RBMS3: variants seen among roughly 807,000 people sequenced by gnomAD.
RBMS3 encodes RNA binding motif single stranded interacting protein 3.
Under a neutral mutation model 66.8 loss-of-function variants are expected in RBMS3, and 27 were observed. The observed-to-expected ratio is 0.40, with a 90% CI of 0.30 to 0.56. The LOEUF is 0.56. Ranked by LOEUF, RBMS3 falls within the 20% of genes least tolerant of loss-of-function variation. The pLI is 0.40. For synonymous variants in RBMS3, 188 were observed against 183.0 expected, an observed-to-expected ratio of 1.03 and a Z score of -0.22; for missense variants, 513 against 549.5, an observed-to-expected ratio of 0.93 and a Z score of 0.66.
intron 4 of RBMS3, among the ~76,000 whole-genome samples, chr3:29,627,288 C>CTCTCTCTCTGTCTCTCTCTCT (rs1296924512): frequency 1.0e-5 from 1 of 96,544 alleles, no homozygotes; most frequent in Admixed American, 1.0e-4. Flanking sequence ...TCTCTCTCTT[C>CTCTCTCTCTGTCTCTCTCTCT]TCTCTCTCTC....
chr3:29,831,153 A>G (rs1002130609), intron 6 of RBMS3, among the ~76,000 whole-genome samples: 4 of 152,204 alleles, frequency 2.6e-5, no homozygotes, highest in Admixed American at 2.6e-4. Context: ...CAACTTTCAT[A>G]TACATAGGAA....
chr3:29,554,800 C>T (rs1320930049), intron 3 of RBMS3, among the ~76,000 whole-genome samples: 1 of 152,072 alleles, frequency 6.6e-6, no homozygotes, highest in Non-Finnish European at 1.5e-5. Flanking sequence ...GAAGAGGTGA[C>T]AGGAAAGAAT....
chr3:29,387,933 C>A (rs2039085715), intron 1 of RBMS3, among the ~76,000 whole-genome samples: 1 of 152,072 alleles, frequency 6.6e-6, no homozygotes, highest in Non-Finnish European at 1.5e-5. Flanking sequence ...ACAGTGCTGG[C>A]CTCTTACCTA....
chr3:29,761,402 A>AT (rs1340446385), intron 5 of RBMS3, among the ~76,000 whole-genome samples: 1 of 152,022 alleles, frequency 6.6e-6, no homozygotes, highest in Non-Finnish European at 1.5e-5. Flanking sequence ...CTCTCAGTTA[A>AT]TTTTTAAGAA....
intron 1 of RBMS3, chr3:29,391,025 A>T: frequency 2.5e-6 from 1 of 395,430 alleles, no homozygotes; most frequent in Non-Finnish European, 5.5e-6. Context: ...TGAGCTTTGT[A>T]TGTCAAGTTG....
At chr3:29,543,916 T>C (rs531277783) in intron 3 of RBMS3, among the ~76,000 whole-genome samples, 1 of 152,272 alleles carries the variant, frequency 6.6e-6, no homozygotes, top group East Asian at 1.9e-4. Context: ...ATAATTAGGA[T>C]ATAATTATTT....
chr3:29,759,952 T>A (rs930043211), intron 5 of RBMS3, among the ~76,000 whole-genome samples: 2 of 152,092 alleles, frequency 1.3e-5, no homozygotes, highest in Non-Finnish European at 2.9e-5. Flanking sequence ...TTTTATTGCA[T>A]TTATTCTTTC....
At position 29,742,016 on chromosome 3, in the gene RBMS3, A is replaced by G. The variant is rs538942462; in HGVS notation, c.557+2139A>G. 4.6e-5 allele frequency among the ~76,000 whole-genome samples: 7 copies of G among 152,238 alleles called. No individual in the cohort carries two copies. The South Asian group carries it at 8.3e-4, about 18-fold the overall frequency. On this transcript the variant is annotated intron_variant, in intron 5 of 14. Transcript: ENST00000383767. ...GTATTGGGGGTTAGGACTTCAACAT[A>G]TGAGTTTTGTCGGGTACACAATTCA...
intron 12 of RBMS3, among the ~76,000 whole-genome samples, chr3:29,960,963 A>G (rs1696393640): frequency 6.6e-6 from 1 of 151,776 alleles, no homozygotes; most frequent in African/African-American, 2.4e-5. Flanking sequence ...CATTTTTCCC[A>G]TTGTCTTGGT....
chr3:29,333,074 A>G (rs1209882061), intron 1 of RBMS3, among the ~76,000 whole-genome samples: 3 of 152,124 alleles, frequency 2.0e-5, no homozygotes, highest in Admixed American at 2.0e-4. Flanking sequence ...CCTAGTAACC[A>G]TGTACTTTTT....
intron 6 of RBMS3, among the ~76,000 whole-genome samples, chr3:29,801,272 C>CTTTTTTTTCTTTTT (rs1553672568): frequency 7.7e-6 from 1 of 129,478 alleles, no homozygotes; most frequent in Non-Finnish European, 1.6e-5. Context: ...TGCTTTTTTT[C>CTTTTTTTTCTTTTT]TTTTTTTTTT....
intron 1 of RBMS3, among the ~76,000 whole-genome samples, chr3:29,404,726 G>A (rs563640352): frequency 1.3e-5 from 2 of 152,166 alleles, no homozygotes; most frequent in East Asian, 3.9e-4. Context: ...TCTTCAATTT[G>A]CCTTATTAAC....
chr3:29,924,432 T>TG (rs1208166158), intron 10 of RBMS3, among the ~76,000 whole-genome samples: 1 of 152,062 alleles, frequency 6.6e-6, no homozygotes, highest in Non-Finnish European at 1.5e-5. Context: ...GGATTCACAC[T>TG]GGGGGAAACT....
intron 10 of RBMS3, among the ~76,000 whole-genome samples, chr3:29,920,052 C>T (rs971781063): frequency 2.0e-5 from 3 of 151,906 alleles, no homozygotes; most frequent in Admixed American, 6.6e-5. Context: ...AAAAAATTGT[C>T]GCATGACTAT....
chr3:29,991,713 A>G (rs1391316360), intron 14 of RBMS3: 1 of 152,474 alleles, frequency 6.6e-6, no homozygotes, highest in Non-Finnish European at 1.5e-5. Context: ...CCATTAAAAA[A>G]AAAAGCTACC....
intron 1 of RBMS3, among the ~76,000 whole-genome samples, chr3:29,314,703 G>A (rs1340603590): frequency 6.6e-6 from 1 of 151,700 alleles, no homozygotes; most frequent in African/African-American, 2.4e-5. Context: ...CCAAGAGCTG[G>A]TTTGTTAAGT....
chr3:29,774,960 C>T (rs1238353093), intron 6 of RBMS3, among the ~76,000 whole-genome samples: 1 of 151,354 alleles, frequency 6.6e-6, no homozygotes, highest in East Asian at 1.9e-4. Context: ...ATAAATATAA[C>T]GTGTCTAAAC....
chr3:29,371,904 A>G (rs1158858991), intron 1 of RBMS3, among the ~76,000 whole-genome samples: 1 of 152,188 alleles, frequency 6.6e-6, no homozygotes, highest in East Asian at 1.9e-4. Flanking sequence ...CGTCACCTTT[A>G]AAAGATTCCT....
At chr3:29,362,911 T>C (rs1328168565) in intron 1 of RBMS3, among the ~76,000 whole-genome samples, 1 of 152,236 alleles carries the variant, frequency 6.6e-6, no homozygotes, top group Non-Finnish European at 1.5e-5. Flanking sequence ...TATTCCAACA[T>C]ATATTATCTA....
Sources: gnomAD v4.1 joint callset for allele counts (sites outside exome capture counted in the v4.1 genomes callset) on GRCh38, gnomAD v4.1.1 for gene constraint, MANE v1.5 for transcripts, NCBI Gene and HGNC (gene_info 2026-07-23, HGNC 2026-07-21) for gene names.